Variants in XKR9 observed in about 807,000 individuals in gnomAD.
XKR9 encodes XK-related protein 9.
A neutral mutation model predicts 32.0 loss-of-function variants in XKR9; 32 were observed. That is an observed-to-expected ratio of 1.00 (90% CI 0.76 to 1.34). XKR9 has a LOEUF of 1.34. XKR9 is among the 40% of genes most tolerant of loss of function. The pLI is 0.00. For synonymous variants in XKR9, 168 were observed against 143.4 expected (o/e 1.17, Z -1.22); for missense variants, 546 against 429.7 (o/e 1.27, Z -2.39).
chr8:70,930,927 C>G, the XKR9 span, among the ~76,000 whole-genome samples: 38 of 152,202 alleles, frequency 2.5e-4, no homozygotes, highest in African/African-American at 8.9e-4. Flanking sequence ...CTTCACCTTT[C>G]TGGTGAAGAA....
the XKR9 span, among the ~76,000 whole-genome samples, chr8:70,917,898 T>C: frequency 6.6e-6 from 1 of 152,222 alleles, no homozygotes; most frequent in Non-Finnish European, 1.5e-5. Flanking sequence ...TGAAGGGTTA[T>C]TAAGAGGATT....
At chr8:70,834,072 T>G in the XKR9 span, among the ~76,000 whole-genome samples, 1 of 152,008 alleles carries the variant, frequency 6.6e-6, no homozygotes, top group Non-Finnish European at 1.5e-5. Flanking sequence ...TGTGTAGATC[T>G]CCCAAACTCT....
chr8:70,789,645 C>T (rs1280134036), intron 3 of XKR9, among the ~76,000 whole-genome samples: 1 of 151,968 alleles, frequency 6.6e-6, no homozygotes, highest in East Asian at 1.9e-4. Context: ...AAATATTGGC[C>T]ATTATATAGA....
the XKR9 span, among the ~76,000 whole-genome samples, chr8:70,966,708 C>T: frequency 6.6e-6 from 1 of 152,070 alleles, no homozygotes; most frequent in Non-Finnish European, 1.5e-5. Context: ...TGTCTAATAT[C>T]ATCAGTGGGG....
the XKR9 span, among the ~76,000 whole-genome samples, chr8:70,991,102 T>C: frequency 6.6e-6 from 1 of 152,164 alleles, no homozygotes; most frequent in Non-Finnish European, 1.5e-5. Flanking sequence ...TTCTTGACAG[T>C]CAGCAGTTTG....
intron 2 of XKR9, among the ~76,000 whole-genome samples, chr8:70,778,369 G>A (rs1468834011): frequency 6.6e-6 from 1 of 152,200 alleles, no homozygotes; most frequent in Non-Finnish European, 1.5e-5. Flanking sequence ...GTAGTTTGAA[G>A]TCAGGTAGCC....
the XKR9 span, among the ~76,000 whole-genome samples, chr8:70,959,114 C>T: frequency 6.6e-6 from 1 of 152,004 alleles, no homozygotes; most frequent in Non-Finnish European, 1.5e-5. Context: ...TGAACAAAGA[C>T]TTGTAATCTT....
the XKR9 span, among the ~76,000 whole-genome samples, chr8:70,986,705 T>C: frequency 6.6e-6 from 1 of 152,202 alleles, no homozygotes; most frequent in East Asian, 1.9e-4. Flanking sequence ...GGATATATTT[T>C]TAAAACACTT....
downstream of XKR9, among the ~76,000 whole-genome samples, chr8:70,791,312 T>TAA (rs879762952): frequency 7.0e-6 from 1 of 142,890 alleles, no homozygotes; most frequent in African/African-American, 2.6e-5. Context: ...TCATCTCACT[T>TAA]AAAAAAAAAA....
chr8:70,769,457 G>A (rs1410540240), intron 2 of XKR9, among the ~76,000 whole-genome samples: 2 of 151,968 alleles, frequency 1.3e-5, no homozygotes, highest in African/African-American at 4.8e-5. Flanking sequence ...GATGTTCCCT[G>A]TATTTCCTGA....
the XKR9 span, among the ~76,000 whole-genome samples, chr8:71,026,486 C>A: frequency 6.6e-6 from 1 of 152,044 alleles, no homozygotes; most frequent in African/African-American, 2.4e-5. Context: ...ATTAGTGTGA[C>A]AAATGTTATG....
intron 4 of XKR9, among the ~76,000 whole-genome samples, chr8:70,720,847 A>G (rs797012365): frequency 1.2e-4 from 18 of 152,092 alleles, no homozygotes; most frequent in South Asian, 2.1e-4. Flanking sequence ...CCTCTTTTCT[A>G]TTGTTTGGAA....
chr8:71,017,545 A>T, the XKR9 span, among the ~76,000 whole-genome samples: 1 of 152,168 alleles, frequency 6.6e-6, no homozygotes, highest in Non-Finnish European at 1.5e-5. Flanking sequence ...AATAATACAG[A>T]AGGAGGCTCT....
the XKR9 span, among the ~76,000 whole-genome samples, chr8:70,943,109 T>C: frequency 3.3e-5 from 5 of 152,340 alleles, no homozygotes; most frequent in South Asian, 1.0e-3. Context: ...TCCTTGGAAC[T>C]AGGATAAAGT....
chr8:70,910,244 C>T, the XKR9 span, among the ~76,000 whole-genome samples: 1 of 152,044 alleles, frequency 6.6e-6, no homozygotes, highest in African/African-American at 2.4e-5. Context: ...AGGCCTTCTT[C>T]TTGTTACCCC....
At chr8:71,060,850 A>G in the XKR9 span, among the ~76,000 whole-genome samples, 1 of 152,192 alleles carries the variant, frequency 6.6e-6, no homozygotes, top group South Asian at 2.1e-4. Flanking sequence ...TCAAGACCAC[A>G]TGGTTAGTAA....
At chr8:70,883,548 C>T in the XKR9 span, among the ~76,000 whole-genome samples, 34 of 152,174 alleles carry the variant, frequency 2.2e-4, no homozygotes, top group East Asian at 6.6e-3. Context: ...CTTAAGGAAT[C>T]TCCATACTGT....
the XKR9 span, among the ~76,000 whole-genome samples, chr8:70,951,846 C>A: frequency 6.6e-6 from 1 of 150,870 alleles, no homozygotes; most frequent in African/African-American, 2.5e-5. Flanking sequence ...GGCTCCACTA[C>A]AGGGGTCTCC....
chr8:71,057,327 C>T, the XKR9 span, among the ~76,000 whole-genome samples: 1 of 152,190 alleles, frequency 6.6e-6, no homozygotes. Flanking sequence ...TCCATGTCAT[C>T]TGCTCATCCA....
Sources: gnomAD v4.1 joint callset for allele counts (sites outside exome capture counted in the v4.1 genomes callset) on GRCh38, gnomAD v4.1.1 for gene constraint, MANE v1.5 for transcripts, NCBI Gene and HGNC (gene_info 2026-07-23, HGNC 2026-07-21) for gene names.